Variants in CPNE8 observed in about 807,000 individuals in gnomAD.
CPNE8 encodes the protein copine-8.
A neutral mutation model predicts 81.5 loss-of-function variants in CPNE8; 45 were observed. That is an observed-to-expected ratio of 0.55 (90% confidence interval 0.44 to 0.71). The LOEUF (loss-of-function observed/expected upper bound fraction) is 0.71, where lower values mean the gene tolerates loss of function less well. Among genes scored for constraint, CPNE8 ranks in the 30% least tolerant of loss-of-function variants. The pLI, the probability that CPNE8 is intolerant of heterozygous loss-of-function variation, is 0.00. For synonymous variants in CPNE8, 252 were observed against 226.3 expected (o/e 1.11, Z -1.02); for missense variants, 594 against 672.1 (o/e 0.88, Z 1.28).
At chr12:38,883,182 A>G (rs1344834964) in intron 1 of CPNE8, among the ~76,000 whole-genome samples, 1 of 152,216 alleles carries the variant, frequency 6.6e-6, no homozygotes, top group Admixed American at 6.5e-5. Flanking sequence ...TCAAATTCAG[A>G]GAGGTTAAAT....
At chr12:38,748,109 T>C (rs543519039) in intron 10 of CPNE8, among the ~76,000 whole-genome samples, 346 of 151,808 alleles carry the variant, frequency 2.3e-3, no homozygotes, top group Non-Finnish European at 3.7e-3. Flanking sequence ...TTCCCAGGCT[T>C]AAGCGATTCT....
chr12:38,769,204 G>C (rs1565605845), intron 7 of CPNE8, among the ~76,000 whole-genome samples: 2 of 152,130 alleles, frequency 1.3e-5, no homozygotes, highest in Non-Finnish European at 1.5e-5. Flanking sequence ...ATTTTCAAAA[G>C]TATTGGTATA....
At chr12:38,698,313 T>C (rs1378645263) in intron 14 of CPNE8, among the ~76,000 whole-genome samples, 2 of 152,234 alleles carry the variant, frequency 1.3e-5, no homozygotes, top group African/African-American at 2.4e-5. Flanking sequence ...AAGTCCCTCA[T>C]GAGAGGTATG....
intron 18 of CPNE8, among the ~76,000 whole-genome samples, chr12:38,671,687 C>T (rs373849435): frequency 1.3e-5 from 2 of 152,226 alleles, no homozygotes; most frequent in East Asian, 1.9e-4. Context: ...CCTCATCACC[C>T]ATCTCCCTGG....
At chr12:38,706,025 A>G (rs1438912006) in intron 13 of CPNE8, among the ~76,000 whole-genome samples, 4 of 152,148 alleles carry the variant, frequency 2.6e-5, no homozygotes, top group Admixed American at 6.6e-5. Flanking sequence ...AGATACTATC[A>G]TCCTCTTTTT....
intron 1 of CPNE8, among the ~76,000 whole-genome samples, chr12:38,902,740 G>C (rs1683930793): frequency 6.6e-6 from 1 of 152,210 alleles, no homozygotes; most frequent in South Asian, 2.1e-4. Context: ...AAGTTCAAAA[G>C]AGAAGGACTT....
chr12:38,738,954 C>T (rs1245646015), intron 10 of CPNE8, among the ~76,000 whole-genome samples: 5 of 151,894 alleles, frequency 3.3e-5, no homozygotes, highest in Admixed American at 1.3e-4. Context: ...GCTGGGACCA[C>T]AAGTGCATAC....
intron 6 of CPNE8, among the ~76,000 whole-genome samples, chr12:38,778,911 T>A (rs1941989751): frequency 6.6e-6 from 1 of 152,176 alleles, no homozygotes; most frequent in Admixed American, 6.6e-5. Flanking sequence ...CCAGGGTCAT[T>A]GCACATGTCA....
At chr12:38,888,498 G>A (rs982411758) in intron 1 of CPNE8, among the ~76,000 whole-genome samples, 1 of 152,178 alleles carries the variant, frequency 6.6e-6, no homozygotes, top group Non-Finnish European at 1.5e-5. Flanking sequence ...GTACCTAGGA[G>A]TAATCTGAGA....
chr12:38,785,182 T>C (rs1053344560), intron 6 of CPNE8, among the ~76,000 whole-genome samples: 1 of 148,176 alleles, frequency 6.7e-6, no homozygotes, highest in East Asian at 2.0e-4. Context: ...AGTGAGACTC[T>C]GTCTCTGAAA....
chr12:38,774,612 A>AT (rs11438891), intron 7 of CPNE8, among the ~76,000 whole-genome samples: 122,374 of 150,558 alleles, frequency 0.81, 51,681 homozygotes, highest in Middle Eastern at 0.93. Context: ...GGACTGGAAG[A>AT]TTTTTTTTTT....
chr12:38,873,435 G>A (rs1237870909), intron 2 of CPNE8, among the ~76,000 whole-genome samples: 1 of 152,144 alleles, frequency 6.6e-6, no homozygotes, highest in Admixed American at 6.6e-5. Context: ...TAATAGGAAC[G>A]AAAACTTGGG....
chr12:38,660,030 C>T (rs1310146786), intron 19 of CPNE8, among the ~76,000 whole-genome samples: 2 of 152,126 alleles, frequency 1.3e-5, no homozygotes, highest in Admixed American at 1.3e-4. Context: ...ATGAAAATGG[C>T]CATACTGCCC....
At chr12:38,882,716 C>T (rs897507648) in intron 1 of CPNE8, among the ~76,000 whole-genome samples, 4 of 152,260 alleles carry the variant, frequency 2.6e-5, no homozygotes, top group South Asian at 2.1e-4. Flanking sequence ...TTCCAAACTC[C>T]GTAACACTGC....
At chr12:38,869,544 C>A (rs998417973) in intron 3 of CPNE8, among the ~76,000 whole-genome samples, 1 of 152,208 alleles carries the variant, frequency 6.6e-6, no homozygotes, top group Non-Finnish European at 1.5e-5. Context: ...TAGTAACACA[C>A]ACAGTGTCAT....
At chr12:38,739,367 A>G (rs759795306) in intron 10 of CPNE8, among the ~76,000 whole-genome samples, 4 of 152,194 alleles carry the variant, frequency 2.6e-5, no homozygotes, top group Non-Finnish European at 5.9e-5. Context: ...AAATTTCAGA[A>G]TTAATGAGTT....
chr12:38,874,542 A>C, intron 1 of CPNE8, 31 bp from the exon 2 acceptor site: 1 of 1,430,158 alleles, frequency 7.0e-7, no homozygotes, highest in Non-Finnish European at 9.8e-7. Context: ...TGTTAGCTGG[A>C]TATAAAAGCA....
At chr12:38,705,112 T>A (rs1387982456) in intron 13 of CPNE8, among the ~76,000 whole-genome samples, 1 of 151,730 alleles carries the variant, frequency 6.6e-6, no homozygotes, top group Non-Finnish European at 1.5e-5. Context: ...ACAAAATAAT[T>A]TTTAATTAAA....
chr12:38,663,676 T>C (rs938271774), intron 19 of CPNE8, among the ~76,000 whole-genome samples: 4 of 152,166 alleles, frequency 2.6e-5, no homozygotes, highest in Non-Finnish European at 5.9e-5. Flanking sequence ...TGCATTGCCA[T>C]GTTTATTGCA....
Sources: allele counts gnomAD v4.1 joint callset (sites outside exome capture counted in the v4.1 genomes callset), GRCh38; gene constraint gnomAD v4.1.1; transcripts MANE v1.5; gene names NCBI Gene and HGNC (gene_info 2026-07-23, HGNC 2026-07-21).